The following BCR variants were observed in gnomAD, a reference collection of about 807,000 sequenced individuals.
BCR encodes BCR activator of RhoGEF and GTPase.
BCR carries 58 observed loss-of-function variants against 138.6 expected under a neutral mutation model. The ratio of observed to expected loss-of-function variants is 0.42; its 90% CI spans 0.34 to 0.52. The LOEUF (loss-of-function observed/expected upper bound fraction) is 0.52. Ranked by LOEUF, BCR falls within the 20% of genes least tolerant of loss-of-function variation. The pLI is 0.06. For missense variants in BCR, 1,599 were observed against 1,727.2 expected, an observed-to-expected ratio of 0.93 and a Z score of 1.32; for synonymous variants, 786 against 730.1, an observed-to-expected ratio of 1.08 and a Z score of -1.23.
intron 1 of BCR, among the ~76,000 whole-genome samples, chr22:23,192,641 TG>T (rs1428123004): frequency 1.3e-5 from 2 of 152,238 alleles, no homozygotes; most frequent in Non-Finnish European, 2.9e-5. Flanking sequence ...TAGCTCCTTC[TG>T]GGACACTTTG....
rs796682596 is a variant in BCR, at chr22:23,297,221, GT to G, written c.3012+2082del. Among the ~76,000 whole-genome samples the G allele has an allele frequency of 1.2e-3, 141 of 114,878 alleles. 2 individuals carry two copies. In the South Asian group the frequency reaches 0.017, roughly 14 times the overall value. The allele number at this position is 114,878 out of a possible 152,430, so 75.4% of individuals were successfully genotyped here. A position where few individuals can be genotyped will look rare whatever the true frequency, so the allele number is the denominator to read the frequency against. On this transcript the variant is annotated intron_variant, in intron 16 of 22. Coordinates refer to ENST00000305877, the MANE Select transcript of BCR (RefSeq NM_004327.4). ...CTGGCTAAGTTGTTTTTTGTTTTTT[GT>G]TTTTTTTTTTTTTTTCGAGACAGAG...
At chr22:23,260,782 T>A in intron 2 of BCR, 168 bp from the exon 3 acceptor site, 1 of 643,300 alleles carries the variant, frequency 1.6e-6, no homozygotes, top group East Asian at 2.9e-5. Flanking sequence ...AGTGTGTGGC[T>A]TAGTATGTGC....
At chr22:23,242,503 C>T (rs776947687) in intron 1 of BCR, among the ~76,000 whole-genome samples, 3 of 152,072 alleles carry the variant, frequency 2.0e-5, no homozygotes, top group Non-Finnish European at 4.4e-5. Context: ...TGGGATGGCA[C>T]GTCCTTCACT....
rs2072233779 is a variant in BCR at position 23,180,771 on chromosome 22, GC to G, written c.-186del. 5.9e-6 allele frequency: 1 copy of G among 168,728 alleles called. No individual in the cohort carries two copies. The highest frequency in any genetic ancestry group is 1.2e-5 in the Non-Finnish European group (1 of 86,894). The allele number at this position is 168,728 out of a possible 1,614,324, so 10.5% of individuals were successfully genotyped here. On this transcript the variant is annotated 5_prime_UTR_variant, in exon 1 of 23. Coordinates refer to ENST00000305877, the MANE Select transcript of BCR (RefSeq NM_004327.4). ...CGCGCCCTTCCCCCCGGCGCGCCCCGCCCCGCGCGCCGAGCGCCCCGCTCCG... is the reference window on the plus strand; with the variant it reads ...CGCGCCCTTCCCCCCGGCGCGCCCCGCCCGCGCGCCGAGCGCCCCGCTCCG...
Position 23,316,113 on chromosome 22 carries a change from T to G in BCR, c.*591T>G. ...TTCTTTTTCTTTCCAGAAGGATTTTTGTGCAGAAATGGGTCTTTTGTTGCC... is the reference window on the plus strand; with the variant it reads ...TTCTTTTTCTTTCCAGAAGGATTTTGGTGCAGAAATGGGTCTTTTGTTGCC... On this transcript the variant is annotated 3_prime_UTR_variant, in exon 23 of 23. Transcript: ENST00000305877. The G allele has an allele frequency of 5.9e-6, 1 of 170,668 alleles. No homozygotes were observed. The highest frequency in any genetic ancestry group is 7.6e-5 in the Admixed American group (1 of 13,176). 10.6% of individuals were successfully genotyped at this position (170,668 alleles called of 1,614,324 possible).
At chr22:23,235,937 C>A (rs910133267) in intron 1 of BCR, among the ~76,000 whole-genome samples, 1 of 152,196 alleles carries the variant, frequency 6.6e-6, no homozygotes, top group African/African-American at 2.4e-5. Context: ...CCTCTAAATA[C>A]CATCACATTG....
chr22:23,216,252 G>A (rs2146225458), intron 1 of BCR, among the ~76,000 whole-genome samples: 1 of 152,300 alleles, frequency 6.6e-6, no homozygotes, highest in South Asian at 2.1e-4. Context: ...CTACAAGGAT[G>A]TCTTTCACTT....
At position 23,294,913 on chromosome 22, in the gene BCR, T is replaced by A. The variant is rs1190941019; in HGVS notation, c.2881-111T>A. 2.9e-6 allele frequency: 4 copies of A among 1,364,330 alleles called. No individual in the cohort carries two copies. In the African/African-American group the frequency reaches 4.4e-5, roughly 15 times the overall value. 84.5% of individuals were successfully genotyped at this position (1,364,330 alleles called of 1,614,324 possible). A position where few individuals can be genotyped will look rare whatever the true frequency, so the allele number is the denominator to read the frequency against. On this transcript the variant is annotated intron_variant, in intron 15 of 22. Coordinates refer to ENST00000305877, the MANE Select transcript of BCR (RefSeq NM_004327.4). ...AAGGGAGGAGGGTCTCAGGCATTGG[T>A]CCCTCTGGGCCAGCAAGGGCAGCAG...
intron 1 of BCR, among the ~76,000 whole-genome samples, chr22:23,186,326 G>A (rs2072342022): frequency 6.6e-6 from 1 of 152,188 alleles, no homozygotes; most frequent in South Asian, 2.1e-4. Flanking sequence ...CTTTTAAAAA[G>A]TTTGGTAAAA....
chr22:23,188,662 G>A (rs1187778140), intron 1 of BCR, among the ~76,000 whole-genome samples: 7 of 152,260 alleles, frequency 4.6e-5, no homozygotes, highest in East Asian at 3.9e-4. Flanking sequence ...TGAGGCTGCT[G>A]CTTTTTGGGT....
At chr22:23,216,522 C>A (rs775711167) in intron 1 of BCR, among the ~76,000 whole-genome samples, 16 of 152,300 alleles carry the variant, frequency 1.1e-4, no homozygotes, top group South Asian at 1.0e-3. Context: ...GAATTAGCAA[C>A]GTGGAACATT....
intron 12 of BCR, 47 bp downstream of exon 12, chr22:23,288,219 G>A: frequency 7.1e-6 from 11 of 1,558,954 alleles, no homozygotes; most frequent in Non-Finnish European, 9.7e-6. Context: ...AACCATTAGG[G>A]CCAGGCTGGC....
At chr22:23,227,992 G>A (rs2072913369) in intron 1 of BCR, among the ~76,000 whole-genome samples, 1 of 152,172 alleles carries the variant, frequency 6.6e-6, no homozygotes, top group East Asian at 1.9e-4. Context: ...CATCTAAGTT[G>A]CCAAACTTAT....
chr22:23,226,344 G>A (rs928309071), intron 1 of BCR, among the ~76,000 whole-genome samples: 9 of 152,148 alleles, frequency 5.9e-5, no homozygotes, highest in Non-Finnish European at 1.2e-4. Flanking sequence ...GTGTGTGTGT[G>A]TGTGTGTGTG....
intron 1 of BCR, among the ~76,000 whole-genome samples, chr22:23,184,959 G>A (rs2072321276): frequency 6.6e-6 from 1 of 152,166 alleles, no homozygotes; most frequent in African/African-American, 2.4e-5. Flanking sequence ...GCTCCGCAGT[G>A]GCAGATGTGG....
At chr22:23,304,931 A>G (rs968009261) in intron 16 of BCR, among the ~76,000 whole-genome samples, 44 of 152,290 alleles carry the variant, frequency 2.9e-4, no homozygotes, top group African/African-American at 9.1e-4. Flanking sequence ...CCTGACCAAC[A>G]TGGTGAAACC....
intron 14 of BCR, among the ~76,000 whole-genome samples, chr22:23,291,549 G>T (rs76369804): frequency 6.6e-6 from 1 of 151,834 alleles, no homozygotes; most frequent in African/African-American, 2.4e-5. Flanking sequence ...CTCCTCCCGG[G>T]TCCTGTCTGT....
chr22:23,241,706 G>A (rs1273721910), intron 1 of BCR, among the ~76,000 whole-genome samples: 1 of 152,118 alleles, frequency 6.6e-6, no homozygotes, highest in African/African-American at 2.4e-5. Flanking sequence ...CTGTGCGTCA[G>A]TGCCCCTGCC....
chr22:23,315,286 C>T lies in BCR; in HGVS notation c.3727-147C>T, dbSNP rs537844703. The T allele has an allele frequency of 7.1e-4, 495 of 695,578 alleles. 6 individuals are homozygous for T. The African/African-American group carries it at 7.9e-3, about 11-fold the overall frequency. 43.1% of individuals were successfully genotyped at this position (695,578 alleles called of 1,614,324 possible). A position where few individuals can be genotyped will look rare whatever the true frequency, so the allele number is the denominator to read the frequency against. On this transcript the variant is annotated intron_variant, in intron 22 of 22. Transcript: ENST00000305877. ...ATGCCTTGTCAGGACCCCACCCCACCCCCATCTCACTGTAAGGGGTTCATG... is the reference window on the plus strand; with the variant it reads ...ATGCCTTGTCAGGACCCCACCCCACTCCCATCTCACTGTAAGGGGTTCATG...
Sources: allele counts gnomAD v4.1 joint callset (sites outside exome capture counted in the v4.1 genomes callset), GRCh38; gene constraint gnomAD v4.1.1; transcripts MANE v1.5; gene names NCBI Gene and HGNC (gene_info 2026-07-23, HGNC 2026-07-21).